Variants in ACOT7 observed in about 807,000 individuals in gnomAD.
ACOT7 encodes the protein acyl-CoA thioesterase 7, also known as cytosolic acyl coenzyme A thioester hydrolase.
ACOT7 carries 12 observed loss-of-function variants against 40.2 expected under a neutral mutation model. The observed-to-expected ratio is 0.30, with a 90% CI of 0.19 to 0.48. The LOEUF is 0.48. Among genes scored for constraint, ACOT7 ranks in the 20% least tolerant of loss-of-function variants. The pLI is 0.99. For missense variants in ACOT7, 395 were observed against 530.8 expected (o/e 0.74, Z 2.51); for synonymous variants, 228 against 219.5 (o/e 1.04, Z -0.34).
chr1:6,305,252 A>AC (rs1360705743), intron 6 of ACOT7, among the ~76,000 whole-genome samples: 55 of 122,738 alleles, frequency 4.5e-4, no homozygotes, highest in African/African-American at 1.6e-3. Flanking sequence ...CGGGGGGCTG[A>AC]CCCCCCCACC....
At chr1:6,304,369 C>A (rs1193692241) in intron 6 of ACOT7, among the ~76,000 whole-genome samples, 1 of 148,580 alleles carries the variant, frequency 6.7e-6, no homozygotes, top group Admixed American at 6.7e-5. Flanking sequence ...CCATCCGACC[C>A]GTACACAGGT....
At position 6,288,630 on chromosome 1, in the gene ACOT7, A is replaced by T. The variant is rs147993872; in HGVS notation, c.829+6234T>A. Reference sequence around the variant, plus strand: ...GGCTGGTGAGGGGTGAGGGTAACAGAGGTGGCCCTCTGTGGTCTAGGCAAG... The same window carrying T: ...GGCTGGTGAGGGGTGAGGGTAACAGTGGTGGCCCTCTGTGGTCTAGGCAAG... On this transcript the variant is annotated intron_variant, in intron 7 of 8. Coordinates refer to ENST00000361521, the MANE Select transcript of ACOT7 (RefSeq NM_007274.4). This position sits in a 1 kb window ranked among gnomAD's most constrained non-coding sequence, Gnocchi z 4.3. Among the ~76,000 whole-genome samples, 1 of 152,268 alleles carries T rather than the reference A, an allele frequency of 6.6e-6. No individual in the cohort carries two copies. The highest frequency in any genetic ancestry group is 1.5e-5 in the Non-Finnish European group (1 of 68,024).
intron 2 of ACOT7, among the ~76,000 whole-genome samples, chr1:6,346,489 C>G (rs1194659493): frequency 1.3e-5 from 2 of 152,218 alleles, no homozygotes; most frequent in East Asian, 3.9e-4. Context: ...CGAGAAGAAG[C>G]AGAAAAGCCA....
intron 3 of ACOT7, among the ~76,000 whole-genome samples, chr1:6,337,354 C>T (rs1375433864): frequency 6.6e-6 from 1 of 152,200 alleles, no homozygotes; most frequent in South Asian, 2.1e-4. Flanking sequence ...CCCTAAAGAG[C>T]GAGGGATCCT....
At chr1:6,344,953 G>A (rs1641380347) in intron 2 of ACOT7, among the ~76,000 whole-genome samples, 2 of 152,146 alleles carry the variant, frequency 1.3e-5, no homozygotes, top group African/African-American at 4.8e-5. Flanking sequence ...CAGATGGCAG[G>A]AGCCGGGACC....
At chr1:6,357,181 G>A (rs1641769149) in intron 1 of ACOT7, among the ~76,000 whole-genome samples, 1 of 152,036 alleles carries the variant, frequency 6.6e-6, no homozygotes, top group South Asian at 2.1e-4. Flanking sequence ...AGTTTGTGGT[G>A]AGCCAAGATC....
intron 1 of ACOT7, among the ~76,000 whole-genome samples, chr1:6,370,236 G>C (rs1223930741): frequency 1.3e-5 from 2 of 152,102 alleles, no homozygotes; most frequent in African/African-American, 4.8e-5. Flanking sequence ...AGTGGCCTGA[G>C]TCCCTCGCCA....
At chr1:6,344,242 G>A (rs537504144) in intron 2 of ACOT7, among the ~76,000 whole-genome samples, 54 of 152,282 alleles carry the variant, frequency 3.5e-4, no homozygotes, top group African/African-American at 1.2e-3. Context: ...TCCAAGGGTC[G>A]CTCAGAGGAG....
chr1:6,356,351 T>C lies in ACOT7; in HGVS notation c.144-6485A>G, dbSNP rs1388599677. ...CTGATGCTCCCAAAGAAAGCAGCAC[T>C]GAGTGGCACAGGGGAGCCCCGAGGC... On this transcript the variant is annotated intron_variant, in intron 1 of 8. Coordinates refer to ENST00000361521, the MANE Select transcript of ACOT7 (RefSeq NM_007274.4). Among the ~76,000 whole-genome samples the C allele has an allele frequency of 2.0e-5, 3 of 152,088 alleles. No homozygotes were observed. The East Asian group carries it at 5.8e-4, about 29-fold the overall frequency.
chr1:6,382,388 A>G (rs1184187965), intron 1 of ACOT7, among the ~76,000 whole-genome samples: 1 of 152,002 alleles, frequency 6.6e-6, no homozygotes, highest in Non-Finnish European at 1.5e-5. Context: ...TGGGCGACAG[A>G]GCGAGACTCT....
chr1:6,287,538 T>C (rs182841327), intron 7 of ACOT7, among the ~76,000 whole-genome samples: 11 of 152,334 alleles, frequency 7.2e-5, no homozygotes, highest in Admixed American at 7.2e-4. Flanking sequence ...CAGTTAAACG[T>C]ATCGGTGCCT....
intron 2 of ACOT7, among the ~76,000 whole-genome samples, chr1:6,339,974 TTTTG>T: frequency 6.7e-6 from 1 of 148,184 alleles, no homozygotes; most frequent in Non-Finnish European, 1.5e-5. Flanking sequence ...TTGTTTTGTT[TTTTG>T]TTTTTGAGAT....
intron 1 of ACOT7, 51 bp from the exon 2 acceptor site, chr1:6,349,917 G>C (rs1641542138): frequency 6.4e-7 from 1 of 1,565,628 alleles, no homozygotes. Flanking sequence ...TGCCATTTGT[G>C]CAACAGTGAC....
rs551171710 is a variant in ACOT7, at chr1:6,325,844, C to A, written c.625+1455G>T. Among the ~76,000 whole-genome samples the A allele has an allele frequency of 2.3e-4, 35 of 152,336 alleles. 1 individual carries two copies. The highest frequency in any genetic ancestry group is 7.7e-4 in the African/African-American group (32 of 41,576). On this transcript the variant is annotated intron_variant, in intron 5 of 8. Coordinates refer to ENST00000361521, the MANE Select transcript of ACOT7 (RefSeq NM_007274.4). ...AAGCAAGGGAGGTGAGCGGCCATAA[C>A]AATGCCCCGAGTCCAGGTTAGCAGG...
intron 8 of ACOT7, among the ~76,000 whole-genome samples, chr1:6,268,162 A>T (rs886624186): frequency 6.6e-6 from 1 of 151,958 alleles, no homozygotes; most frequent in Admixed American, 6.6e-5. Context: ...GTGGCGGGGG[A>T]TGTCCACCTC....
At chr1:6,331,410 G>A (rs1371753784) in intron 4 of ACOT7, among the ~76,000 whole-genome samples, 2 of 152,224 alleles carry the variant, frequency 1.3e-5, no homozygotes, top group African/African-American at 4.8e-5. Context: ...AGGGACGCCT[G>A]GAGCCACCCG....
intron 6 of ACOT7, among the ~76,000 whole-genome samples, chr1:6,312,908 C>G (rs1443541192): frequency 6.6e-6 from 1 of 152,096 alleles, no homozygotes; most frequent in Admixed American, 6.5e-5. Flanking sequence ...ATGAGGTGAG[C>G]CCACCTGCCA....
chr1:6,288,819 G>A lies in ACOT7; in HGVS notation c.829+6045C>T, dbSNP rs960914826. Among the ~76,000 whole-genome samples, 3 of 152,232 alleles carry A rather than the reference G, an allele frequency of 2.0e-5. No homozygotes were observed. The highest frequency in any genetic ancestry group is 4.4e-5 in the Non-Finnish European group (3 of 68,044). On this transcript the variant is annotated intron_variant, in intron 7 of 8. Transcript: ENST00000361521. The surrounding 1 kb of genome is among the most constrained non-coding windows in gnomAD (Gnocchi z 4.3). ...AGTTCCTCCTAGGCACACACCCTTC[G>A]TGGCTGAAACTCAAAGTTATCTTCT...
chr1:6,344,781 A>G (rs1449662449), intron 2 of ACOT7, among the ~76,000 whole-genome samples: 4 of 147,578 alleles, frequency 2.7e-5, no homozygotes, highest in East Asian at 2.0e-4. Flanking sequence ...AAAAAAAAAA[A>G]AAAAAAAAAG....
Sources: allele counts gnomAD v4.1 joint callset (sites outside exome capture counted in the v4.1 genomes callset), GRCh38; gene constraint gnomAD v4.1.1; non-coding constraint Gnocchi (gnomAD v3.1); transcripts MANE v1.5; gene names NCBI Gene and HGNC (gene_info 2026-07-23, HGNC 2026-07-21).